Variants in TBC1D19 observed in about 807,000 individuals in gnomAD.
The protein encoded by TBC1D19 is TBC1 domain family, member 19.
In TBC1D19, 60 loss-of-function variants were observed where a neutral mutation model predicts 89.0. The observed-to-expected ratio is 0.67, with a 90% CI of 0.55 to 0.84. The LOEUF is 0.84. Ranked by LOEUF, TBC1D19 falls within the 40% of genes least tolerant of loss-of-function variation. The pLI is 0.00. For synonymous variants in TBC1D19, 189 were observed against 199.7 expected (o/e 0.95, Z 0.45); for missense variants, 500 against 610.8 (o/e 0.82, Z 1.91).
chr4:26,806,730 T>G, the TBC1D19 span, among the ~76,000 whole-genome samples: 1 of 152,074 alleles, frequency 6.6e-6, no homozygotes, highest in Non-Finnish European at 1.5e-5. Context: ...TCCATTAGAG[T>G]AGGCCCTAAA....
intron 13 of TBC1D19, among the ~76,000 whole-genome samples, chr4:26,712,012 T>C (rs1306547628): frequency 6.6e-6 from 1 of 152,054 alleles, no homozygotes; most frequent in African/African-American, 2.4e-5. Context: ...ACAGGGACTC[T>C]AGGGAGATAT....
chr4:26,799,414 G>T, the TBC1D19 span, among the ~76,000 whole-genome samples: 14 of 152,132 alleles, frequency 9.2e-5, no homozygotes, highest in East Asian at 2.5e-3. Context: ...AAACTCAGAA[G>T]CTATAAAAGG....
the TBC1D19 span, chr4:26,857,601 G>T: frequency 6.6e-6 from 1 of 152,154 alleles, no homozygotes; most frequent in African/African-American, 2.4e-5. Flanking sequence ...GCCGGAAGCC[G>T]GGCGGGCAGC....
At chr4:26,685,259 G>A (rs1713709214) in intron 12 of TBC1D19, among the ~76,000 whole-genome samples, 1 of 152,188 alleles carries the variant, frequency 6.6e-6, no homozygotes, top group South Asian at 2.1e-4. Context: ...GGCTGGGAGC[G>A]TGCCTCTCTC....
At chr4:26,582,347 T>C (rs1023000493), upstream of TBC1D19, among the ~76,000 whole-genome samples, 1 of 152,106 alleles carries the variant, frequency 6.6e-6, no homozygotes, top group African/African-American at 2.4e-5. Context: ...CCAGGGTACA[T>C]ACTAGGAAGG....
chr4:26,648,734 A>G (rs1036239173), intron 7 of TBC1D19, among the ~76,000 whole-genome samples: 10 of 152,160 alleles, frequency 6.6e-5, no homozygotes, highest in African/African-American at 4.8e-5. Context: ...AACTGCCTTT[A>G]TGATGATGGC....
Position 26,640,148 on chromosome 4 carries a change from C to G in TBC1D19, c.441C>G (p.Ser147Arg), listed in dbSNP as rs146958745. The change falls in exon 7 of 21, where the codon AGC becomes AGG. Residue 147 changes from serine to arginine, a missense_variant. Physicochemically the swap from Ser to Arg is moderately radical, Grantham distance 110 (BLOSUM62 -1). Around this residue, in one of 2 missense-constraint regions of TBC1D19, gnomAD observed 280 missense variants for 291.7 expected, o/e 0.96. Transcript: ENST00000264866. ...NEMGTDEPDL[S>R]LFRPVYAPKD... is the part of the protein sequence containing the mutation. ...TAATCTATCTTATTCTAGATTTAAG[C>G]CTTTTCAGACCTGTTTATGCACCTA... The G allele has an allele frequency of 6.5e-5, 104 of 1,607,276 alleles. No individual in the cohort carries two copies. The East Asian group carries it at 1.8e-3, about 28-fold the overall frequency.
In TBC1D19 at chr4:26,609,789, G is replaced by A. The variant is rs146983690; in HGVS notation, c.100-3380G>A. Reference sequence around the variant, plus strand: ...AATGCTGGAAGATAGATTGGAAAAGGGAAAAATTGGTTCATTCATTCGATA... The same window carrying A: ...AATGCTGGAAGATAGATTGGAAAAGAGAAAAATTGGTTCATTCATTCGATA... On this transcript the variant is annotated intron_variant, in intron 1 of 20. Transcript: ENST00000264866. Among the ~76,000 whole-genome samples the A allele has an allele frequency of 7.2e-3, 1,100 of 152,146 alleles. 1 individual carries two copies. Among genetic ancestry groups the A allele is most frequent in the Non-Finnish European group, 0.011 (719 of 67,990 alleles).
the TBC1D19 span, among the ~76,000 whole-genome samples, chr4:26,834,551 CG>C: frequency 2.7e-5 from 4 of 148,722 alleles, no homozygotes; most frequent in African/African-American, 1.0e-4. Flanking sequence ...CTATGGGGGG[CG>C]GGGGTGGTGC....
intron 12 of TBC1D19, 92 bp from the exon 13 acceptor site, chr4:26,688,253 T>C (rs1004825534): frequency 7.2e-7 from 1 of 1,396,110 alleles, no homozygotes; most frequent in Non-Finnish European, 9.4e-7. Context: ...AATAAATTTA[T>C]TGCAGTAGTG....
chr4:26,837,335 G>GA, the TBC1D19 span, among the ~76,000 whole-genome samples: 2 of 151,552 alleles, frequency 1.3e-5, no homozygotes, highest in East Asian at 3.9e-4. Context: ...TGATGAGTTG[G>GA]AAAAAAAAGA....
intron 6 of TBC1D19, among the ~76,000 whole-genome samples, 195 bp downstream of exon 6, chr4:26,639,029 A>G (rs1361055326): frequency 1.3e-5 from 2 of 152,190 alleles, no homozygotes; most frequent in Non-Finnish European, 2.9e-5. Context: ...TAATAAATAC[A>G]GACATCAGGA....
intron 19 of TBC1D19, among the ~76,000 whole-genome samples, chr4:26,750,307 A>T (rs1718879275): frequency 1.3e-5 from 2 of 152,198 alleles, no homozygotes; most frequent in Non-Finnish European, 2.9e-5. Context: ...TTTGAAGATT[A>T]CTGTGTATAG....
At position 26,626,821 on chromosome 4, in the gene TBC1D19, T is replaced by TA. The variant is rs201323048; in HGVS notation, c.294+6133_294+6134insA. On this transcript the variant is annotated intron_variant, in intron 4 of 20. Coordinates refer to ENST00000264866, the MANE Select transcript of TBC1D19 (RefSeq NM_018317.4). ...CCTTGAGGATAGAGCTCAAATTCTTTTTTTTATTTTTATTTTTATTTATTT... is the reference window on the plus strand; with the variant it reads ...CCTTGAGGATAGAGCTCAAATTCTTTATTTTTATTTTTATTTTTATTTATTT... Among the ~76,000 whole-genome samples the TA allele has an allele frequency of 3.8e-3, 574 of 150,138 alleles. 1 individual carries two copies. The highest frequency in any genetic ancestry group is 6.2e-3 in the Non-Finnish European group (419 of 67,356).
At chr4:26,842,840 T>G in the TBC1D19 span, among the ~76,000 whole-genome samples, 1 of 152,012 alleles carries the variant, frequency 6.6e-6, no homozygotes, top group Non-Finnish European at 1.5e-5. Flanking sequence ...AAATATCATC[T>G]CGACACACAT....
At chr4:26,645,140 A>G (rs1743827068) in intron 7 of TBC1D19, among the ~76,000 whole-genome samples, 1 of 152,242 alleles carries the variant, frequency 6.6e-6, no homozygotes, top group Admixed American at 6.5e-5. Flanking sequence ...TCTTCACAGA[A>G]TTGGAAAAAA....
chr4:26,659,776 A>G, intron 8 of TBC1D19, 69 bp downstream of exon 8: 1 of 969,876 alleles, frequency 1.0e-6, no homozygotes, highest in Non-Finnish European at 1.5e-6. Flanking sequence ...TTAATACAGC[A>G]TGTATGTAAA....
intron 1 of TBC1D19, among the ~76,000 whole-genome samples, chr4:26,592,029 CA>C (rs1361773678): frequency 1.3e-5 from 2 of 152,026 alleles, no homozygotes; most frequent in East Asian, 1.9e-4. Flanking sequence ...GGCAGAGACA[CA>C]ACAAAAAAAG....
intron 7 of TBC1D19, among the ~76,000 whole-genome samples, chr4:26,653,746 T>C (rs896051112): frequency 2.0e-5 from 3 of 152,190 alleles, no homozygotes; most frequent in Non-Finnish European, 4.4e-5. Context: ...CTCCATCCCT[T>C]TATTTTGAGC....
Sources: allele counts gnomAD v4.1 joint callset (sites outside exome capture counted in the v4.1 genomes callset), GRCh38; gene constraint gnomAD v4.1.1; regional missense constraint gnomAD v4.1.1; transcripts MANE v1.5; gene names NCBI Gene and HGNC (gene_info 2026-07-23, HGNC 2026-07-21).